The following CHRM3 variants were observed in gnomAD, a reference collection of about 807,000 sequenced individuals.
The protein encoded by CHRM3 is cholinergic receptor muscarinic 3.
In CHRM3, 11 loss-of-function variants were observed where a neutral mutation model predicts 41.8. The observed-to-expected ratio is 0.26, with a 90% CI of 0.17 to 0.44. The LOEUF (loss-of-function observed/expected upper bound fraction) is 0.44. Ranked by LOEUF, CHRM3 falls within the 20% of genes least tolerant of loss-of-function variation. CHRM3 has a pLI of 1.00. For synonymous variants in CHRM3, 297 were observed against 301.4 expected, an observed-to-expected ratio of 0.99 and a Z score of 0.15; for missense variants, 571 against 745.4, an observed-to-expected ratio of 0.77 and a Z score of 2.72.
chr1:239,708,383 T>C (rs1051044514), intron 5 of CHRM3, among the ~76,000 whole-genome samples: 1 of 152,212 alleles, frequency 6.6e-6, no homozygotes, highest in Non-Finnish European at 1.5e-5. Flanking sequence ...TTGCCCTCCC[T>C]GCTTTAGCAC....
chr1:239,393,683 C>A (rs886991701), intron 1 of CHRM3, among the ~76,000 whole-genome samples: 3 of 152,158 alleles, frequency 2.0e-5, no homozygotes, highest in African/African-American at 7.2e-5. Flanking sequence ...TCCCTTGATT[C>A]ATTTGAATGT....
At chr1:239,592,641 A>G (rs989401057) in intron 3 of CHRM3, among the ~76,000 whole-genome samples, 5 of 152,064 alleles carry the variant, frequency 3.3e-5, no homozygotes, top group African/African-American at 1.2e-4. Context: ...TCATTTTTTT[A>G]TATCACCAAA....
intron 6 of CHRM3, among the ~76,000 whole-genome samples, chr1:239,892,610 G>T (rs1678646454): frequency 6.6e-6 from 1 of 152,158 alleles, no homozygotes; most frequent in South Asian, 2.1e-4. Flanking sequence ...AATGAGACAT[G>T]CAGCTTTAAT....
intron 3 of CHRM3, among the ~76,000 whole-genome samples, chr1:239,601,060 A>G (rs1046208384): frequency 1.3e-5 from 2 of 152,202 alleles, no homozygotes; most frequent in Admixed American, 6.5e-5. Flanking sequence ...CATTTGAAAT[A>G]TTATTTGTAG....
chr1:239,794,255 G>A (rs1669577540), intron 5 of CHRM3, among the ~76,000 whole-genome samples: 1 of 152,118 alleles, frequency 6.6e-6, no homozygotes, highest in Non-Finnish European at 1.5e-5. Flanking sequence ...AGATCACAGT[G>A]AAATAAATGA....
In CHRM3 at chr1:239,482,767, C is replaced by T. The variant is rs185366212; in HGVS notation, c.-520-9942C>T. ...ATCTTTCATATTTATCCATTATGGC[C>T]GGTACCTAGCTTAGTGGCTAGAAAT... is the stretch of plus-strand genomic sequence containing the variant. On this transcript the variant is annotated intron_variant, in intron 1 of 6. Transcript: ENST00000676153. Among the ~76,000 whole-genome samples the T allele has an allele frequency of 6.8e-3, 1,031 of 152,100 alleles. 16 individuals carry two copies. Among genetic ancestry groups the T allele is most frequent in the African/African-American group, 0.023 (949 of 41,482 alleles).
chr1:239,647,347 A>G (rs1451944841), intron 4 of CHRM3, among the ~76,000 whole-genome samples: 5 of 152,168 alleles, frequency 3.3e-5, no homozygotes, highest in Non-Finnish European at 5.9e-5. Flanking sequence ...ACTCCTCTGT[A>G]AATTTTGTTA....
chr1:239,791,209 A>G (rs1186903349), intron 5 of CHRM3, among the ~76,000 whole-genome samples: 1 of 152,098 alleles, frequency 6.6e-6, no homozygotes, highest in Non-Finnish European at 1.5e-5. Context: ...GGTTCAAGCA[A>G]TTCTCCTGCC....
At chr1:239,499,891 A>G (rs903197787) in intron 2 of CHRM3, among the ~76,000 whole-genome samples, 3 of 152,180 alleles carry the variant, frequency 2.0e-5, no homozygotes, top group African/African-American at 7.2e-5. Context: ...ACTAATCATC[A>G]TATAGGAAGG....
At position 239,673,814 on chromosome 1, in the gene CHRM3, C is replaced by A. The variant is rs183133884; in HGVS notation, c.-249-4372C>A. Among the ~76,000 whole-genome samples, 13 of 152,160 alleles carry A rather than the reference C, an allele frequency of 8.5e-5. No individual in the cohort carries two copies. In the East Asian group the frequency reaches 2.3e-3, roughly 27 times the overall value. On this transcript the variant is annotated intron_variant, in intron 4 of 6. Transcript: ENST00000676153. ...CTTAATGCACCATGCAATTTCTATA[C>A]CTACATTTTCTTAAATGCTTTCCTG...
At chr1:239,538,870 A>G (rs1006430352) in intron 2 of CHRM3, among the ~76,000 whole-genome samples, 1 of 152,148 alleles carries the variant, frequency 6.6e-6, no homozygotes, top group African/African-American at 2.4e-5. Context: ...TTTCCCTTTG[A>G]TTTATTAATT....
intron 4 of CHRM3, among the ~76,000 whole-genome samples, chr1:239,665,142 C>T (rs1017298690): frequency 1.4e-4 from 20 of 142,468 alleles, no homozygotes; most frequent in African/African-American, 4.5e-4. Flanking sequence ...GCATTTCCAA[C>T]GTTAAAAGTT....
At chr1:239,784,735 TTTTG>T (rs981212589) in intron 5 of CHRM3, among the ~76,000 whole-genome samples, 5 of 152,192 alleles carry the variant, frequency 3.3e-5, no homozygotes, top group African/African-American at 9.6e-5. Flanking sequence ...CCTAATGGTT[TTTTG>T]TTTGTTTTTG....
chr1:239,639,747 C>T (rs1323694960), intron 4 of CHRM3, among the ~76,000 whole-genome samples: 3 of 151,194 alleles, frequency 2.0e-5, no homozygotes, highest in African/African-American at 4.9e-5. Context: ...TAATTGAATA[C>T]CCTTTATTTC....
intron 1 of CHRM3, among the ~76,000 whole-genome samples, chr1:239,474,162 G>A (rs1313289513): frequency 1.3e-5 from 2 of 151,884 alleles, no homozygotes; most frequent in African/African-American, 4.8e-5. Context: ...TTTAAAAAGA[G>A]TAACTAAAGC....
intron 5 of CHRM3, chr1:239,704,177 T>C (rs1660933252): frequency 6.6e-6 from 1 of 152,164 alleles, no homozygotes; most frequent in African/African-American, 2.4e-5. Context: ...CAAAGAACAT[T>C]GAAGATAATT....
At chr1:239,719,359 A>T (rs954934320) in intron 5 of CHRM3, among the ~76,000 whole-genome samples, 5 of 152,000 alleles carry the variant, frequency 3.3e-5, no homozygotes, top group African/African-American at 1.2e-4. Flanking sequence ...AGGTAAAACC[A>T]ATATAGCACC....
Position 239,692,103 on chromosome 1 carries a change from G to A in CHRM3, c.-147+13815G>A, listed in dbSNP as rs141123897. Among the ~76,000 whole-genome samples, 343 of 152,230 alleles carry A rather than the reference G, an allele frequency of 2.3e-3. 2 individuals are homozygous for A. Among genetic ancestry groups the A allele is most frequent in the African/African-American group, 8.0e-3 (333 of 41,534 alleles). On this transcript the variant is annotated intron_variant, in intron 5 of 6. Coordinates refer to ENST00000676153, the MANE Select transcript of CHRM3 (RefSeq NM_001375978.1). ...AAAGGGTCTTGCTCTTAGGCATCTTGAGCAAAACAGTAATATCTTCCAGAT... is the reference window on the plus strand; with the variant it reads ...AAAGGGTCTTGCTCTTAGGCATCTTAAGCAAAACAGTAATATCTTCCAGAT...
intron 2 of CHRM3, among the ~76,000 whole-genome samples, chr1:239,530,675 C>A (rs188088739): frequency 6.6e-6 from 1 of 152,102 alleles, no homozygotes; most frequent in East Asian, 1.9e-4. Flanking sequence ...CGTAAAGAGG[C>A]AGAAATTATG....
Sources: allele counts gnomAD v4.1 joint callset (sites outside exome capture counted in the v4.1 genomes callset), GRCh38; gene constraint gnomAD v4.1.1; transcripts MANE v1.5; gene names NCBI Gene and HGNC (gene_info 2026-07-23, HGNC 2026-07-21).